Variants in RBM47 observed in about 807,000 individuals in gnomAD.
RBM47 encodes RNA binding motif protein 47.
Under a neutral mutation model 47.1 loss-of-function variants are expected in RBM47, and 21 were observed. That is an observed-to-expected ratio of 0.45 (90% CI 0.32 to 0.64). The LOEUF is 0.64. Ranked by LOEUF, RBM47 falls within the 30% of genes least tolerant of loss-of-function variation. RBM47 has a pLI of 0.05. For missense variants in RBM47, 708 were observed against 870.9 expected, an observed-to-expected ratio of 0.81 and a Z score of 2.35; for synonymous variants, 375 against 361.7, an observed-to-expected ratio of 1.04 and a Z score of -0.42.
At chr4:40,568,630 C>T (rs1041986485) in intron 1 of RBM47, among the ~76,000 whole-genome samples, 2 of 151,690 alleles carry the variant, frequency 1.3e-5, no homozygotes, top group Admixed American at 1.3e-4. Flanking sequence ...TTGAACTAGA[C>T]AAGTTGATCC....
intron 1 of RBM47, among the ~76,000 whole-genome samples, chr4:40,580,057 C>T (rs1732736433): frequency 6.6e-6 from 1 of 152,082 alleles, no homozygotes; most frequent in Non-Finnish European, 1.5e-5. Context: ...CGCTTCCGGC[C>T]TACTTTTAGA....
chr4:40,532,546 C>G (rs1727505600), intron 2 of RBM47, among the ~76,000 whole-genome samples: 1 of 151,444 alleles, frequency 6.6e-6, no homozygotes, highest in Non-Finnish European at 1.5e-5. Context: ...CTCCTGACCT[C>G]ATGATCCACC....
At chr4:40,619,999 C>A (rs545296787) in intron 1 of RBM47, among the ~76,000 whole-genome samples, 1 of 152,154 alleles carries the variant, frequency 6.6e-6, no homozygotes, top group African/African-American at 2.4e-5. Context: ...GAGTTTGAGT[C>A]CAGCCTGGCC....
intron 1 of RBM47, among the ~76,000 whole-genome samples, chr4:40,550,930 G>C (rs1305849633): frequency 6.6e-6 from 1 of 150,974 alleles, no homozygotes; most frequent in Non-Finnish European, 1.5e-5. Flanking sequence ...ACTTCCTTAT[G>C]CAAGAAACAT....
intron 1 of RBM47, among the ~76,000 whole-genome samples, chr4:40,574,976 T>C (rs1302506748): frequency 6.6e-6 from 1 of 152,166 alleles, no homozygotes; most frequent in African/African-American, 2.4e-5. Flanking sequence ...GGAGCTGCCA[T>C]AGACCCCTCA....
intron 1 of RBM47, among the ~76,000 whole-genome samples, chr4:40,615,506 T>C (rs1288890419): frequency 1.3e-5 from 2 of 152,034 alleles, no homozygotes; most frequent in Admixed American, 1.3e-4. Context: ...TTTAGCCAGA[T>C]ATGGTGGCTC....
At chr4:40,434,013 G>GGGA (rs1711864374) in intron 5 of RBM47, among the ~76,000 whole-genome samples, 1 of 126,244 alleles carries the variant, frequency 7.9e-6, no homozygotes, top group African/African-American at 3.1e-5. Context: ...GTGTGTGTGT[G>GGGA]TGTGTGTGTG....
At chr4:40,616,090 C>A (rs944565493) in intron 1 of RBM47, among the ~76,000 whole-genome samples, 1 of 152,114 alleles carries the variant, frequency 6.6e-6, no homozygotes, top group South Asian at 2.1e-4. Context: ...CGGTGGCTCA[C>A]GCTTGTAATC....
At chr4:40,605,005 G>A (rs956971440) in intron 1 of RBM47, among the ~76,000 whole-genome samples, 4 of 149,800 alleles carry the variant, frequency 2.7e-5, no homozygotes, top group Non-Finnish European at 4.4e-5. Flanking sequence ...TTGAGCCACC[G>A]CACCTGGTCT....
intron 1 of RBM47, among the ~76,000 whole-genome samples, chr4:40,550,832 A>G (rs1281826022): frequency 6.6e-6 from 1 of 152,174 alleles, no homozygotes; most frequent in African/African-American, 2.4e-5. Context: ...ATAGATATGC[A>G]TGAAGAAACT....
intron 2 of RBM47, among the ~76,000 whole-genome samples, chr4:40,534,541 T>A (rs771768064): frequency 6.6e-6 from 1 of 152,198 alleles, no homozygotes; most frequent in Non-Finnish European, 1.5e-5. Flanking sequence ...TCATTTTCAC[T>A]GAACTGTGAG....
intron 2 of RBM47, among the ~76,000 whole-genome samples, chr4:40,508,654 C>T (rs1724453569): frequency 6.6e-6 from 1 of 152,110 alleles, no homozygotes; most frequent in Non-Finnish European, 1.5e-5. Flanking sequence ...CAAAGGTAAT[C>T]TATGGTGATA....
chr4:40,610,370 C>T (rs1303010071), intron 1 of RBM47, among the ~76,000 whole-genome samples: 1 of 151,936 alleles, frequency 6.6e-6, no homozygotes, highest in African/African-American at 2.4e-5. Context: ...TGCCTGTAAT[C>T]CCAGCACTTT....
chr4:40,490,194 T>C (rs933491881), intron 2 of RBM47, among the ~76,000 whole-genome samples: 3 of 152,060 alleles, frequency 2.0e-5, no homozygotes, highest in African/African-American at 7.2e-5. Flanking sequence ...AAAGACTGAA[T>C]GCTCTCCCCA....
At chr4:40,584,841 T>C (rs1733383539) in intron 1 of RBM47, among the ~76,000 whole-genome samples, 1 of 151,012 alleles carries the variant, frequency 6.6e-6, no homozygotes, top group Non-Finnish European at 1.5e-5. Context: ...GGCTCTTATA[T>C]CAGATGGCAC....
At chr4:40,625,405 C>A (rs1329844559) in intron 1 of RBM47, among the ~76,000 whole-genome samples, 2 of 152,122 alleles carry the variant, frequency 1.3e-5, no homozygotes, top group East Asian at 3.9e-4. Flanking sequence ...AAGGTAGATA[C>A]TTTTTATTAT....
At chr4:40,558,380 T>TA (rs376913512) in intron 1 of RBM47, among the ~76,000 whole-genome samples, 31 of 152,204 alleles carry the variant, frequency 2.0e-4, no homozygotes, top group African/African-American at 7.2e-4. Flanking sequence ...AGTAAATGTC[T>TA]AAAAAATATG....
chr4:40,474,265 C>T (rs546860826), intron 2 of RBM47, among the ~76,000 whole-genome samples: 80 of 152,250 alleles, frequency 5.3e-4, no homozygotes, highest in African/African-American at 1.8e-3. Flanking sequence ...AGCTTGGAAC[C>T]GAGAAGCAGC....
intron 2 of RBM47, among the ~76,000 whole-genome samples, chr4:40,477,959 C>T (rs1456416909): frequency 6.7e-6 from 1 of 148,776 alleles, no homozygotes; most frequent in Non-Finnish European, 1.5e-5. Flanking sequence ...TGTATAGGCA[C>T]GTGTGCATCA....
Sources: gnomAD v4.1 joint callset for allele counts (sites outside exome capture counted in the v4.1 genomes callset) on GRCh38, gnomAD v4.1.1 for gene constraint, MANE v1.5 for transcripts, NCBI Gene and HGNC (gene_info 2026-07-23, HGNC 2026-07-21) for gene names.